ROBO2: variants seen among roughly 807,000 people sequenced by gnomAD.
The protein encoded by ROBO2 is roundabout guidance receptor 2, also known as roundabout homolog 2.
Under a neutral mutation model 160.8 loss-of-function variants are expected in ROBO2, and 53 were observed. That is an observed-to-expected ratio of 0.33 (90% CI 0.26 to 0.41). The LOEUF (loss-of-function observed/expected upper bound fraction) is 0.41, where lower values mean the gene tolerates loss of function less well. Among genes scored for constraint, ROBO2 ranks in the 10% least tolerant of loss-of-function variants. The probability of loss-of-function intolerance (pLI) is 1.00; values close to 1 mark genes in which losing one functional copy is unlikely to be tolerated. For missense variants in ROBO2, 1,577 were observed against 1,722.4 expected (o/e 0.92, Z 1.49); for synonymous variants, 664 against 611.7 (o/e 1.09, Z -1.26).
At chr3:75,924,681 C>CTT (rs60599175) in intron 1 of ROBO2, among the ~76,000 whole-genome samples, 43,411 of 65,722 alleles carry the variant, frequency 0.66, 16,677 homozygotes, top group South Asian at 0.79. Flanking sequence ...ATTTTCTTTT[C>CTT]TTTTTTTTTT....
chr3:77,291,565 G>C (rs1418039334), intron 2 of ROBO2, among the ~76,000 whole-genome samples: 1 of 148,442 alleles, frequency 6.7e-6, no homozygotes, highest in Non-Finnish European at 1.5e-5. Context: ...AAGTAAAATT[G>C]ATGGTTAAAC....
intron 2 of ROBO2, among the ~76,000 whole-genome samples, chr3:76,163,478 A>G (rs1415475370): frequency 6.7e-6 from 1 of 149,452 alleles, no homozygotes; most frequent in African/African-American, 2.4e-5. Context: ...CATATATTGT[A>G]TATACAATAT....
At chr3:75,999,600 G>A (rs1165800454) in intron 2 of ROBO2, among the ~76,000 whole-genome samples, 3 of 152,048 alleles carry the variant, frequency 2.0e-5, no homozygotes, top group Non-Finnish European at 4.4e-5. Flanking sequence ...CATGTGTGTG[G>A]CATGTGCATG....
At chr3:76,942,507 T>C (rs924391964) in intron 2 of ROBO2, among the ~76,000 whole-genome samples, 3 of 152,194 alleles carry the variant, frequency 2.0e-5, no homozygotes, top group Admixed American at 1.3e-4. Flanking sequence ...TTGAAGAGTG[T>C]TGGCCTCACT....
intron 2 of ROBO2, among the ~76,000 whole-genome samples, chr3:77,257,214 G>A (rs2058475434): frequency 6.6e-6 from 1 of 152,142 alleles, no homozygotes; most frequent in African/African-American, 2.4e-5. Context: ...TATAAAAAAA[G>A]CAGAATGGGG....
chr3:77,623,667 C>T (rs1462464307), intron 23 of ROBO2, among the ~76,000 whole-genome samples: 2 of 152,148 alleles, frequency 1.3e-5, no homozygotes, highest in African/African-American at 4.8e-5. Context: ...TGACAGAGCA[C>T]AAGTTAAAAT....
intron 2 of ROBO2, among the ~76,000 whole-genome samples, chr3:76,512,789 C>T (rs2081165837): frequency 6.6e-6 from 1 of 152,088 alleles, no homozygotes; most frequent in South Asian, 2.1e-4. Flanking sequence ...GTTCCATCCT[C>T]AAATATTTCA....
At chr3:77,101,189 T>C (rs555719782) in intron 2 of ROBO2, among the ~76,000 whole-genome samples, 4 of 152,360 alleles carry the variant, frequency 2.6e-5, no homozygotes, top group East Asian at 1.9e-4. Flanking sequence ...GATTCTGAAC[T>C]GAACATAGCA....
chr3:76,437,399 G>T (rs556456287), intron 2 of ROBO2, among the ~76,000 whole-genome samples: 1 of 152,000 alleles, frequency 6.6e-6, no homozygotes, highest in Non-Finnish European at 1.5e-5. Flanking sequence ...GCAGAGAAAT[G>T]GATATTTGAA....
At chr3:77,021,729 A>G (rs573162971) in intron 2 of ROBO2, among the ~76,000 whole-genome samples, 2 of 152,270 alleles carry the variant, frequency 1.3e-5, no homozygotes, top group African/African-American at 4.8e-5. Flanking sequence ...TGCCCTATGA[A>G]TGGATTAATG....
At position 76,159,181 on chromosome 3, in the gene ROBO2, T is replaced by C. The variant is rs137999995; in HGVS notation, c.109+221579T>C. Among the ~76,000 whole-genome samples, 324 of 152,286 alleles carry C rather than the reference T, an allele frequency of 2.1e-3. 1 individual carries two copies. Among genetic ancestry groups the C allele is most frequent in the African/African-American group, 7.5e-3 (312 of 41,572 alleles). On this transcript the variant is annotated intron_variant, in intron 2 of 26. Transcript: ENST00000487694. ...AAGGTAAAGAATTTGGATTTTGTGT[T>C]GTGAAAGAGACAGTCATAATGCCGT...
chr3:76,254,629 G>C (rs571703976), intron 2 of ROBO2, among the ~76,000 whole-genome samples: 1 of 152,148 alleles, frequency 6.6e-6, no homozygotes, highest in African/African-American at 2.4e-5. Context: ...ACAGGTTGGA[G>C]AGGAAAGTAT....
intron 2 of ROBO2, among the ~76,000 whole-genome samples, chr3:76,262,015 A>T (rs1433959418): frequency 1.3e-5 from 2 of 152,150 alleles, no homozygotes; most frequent in African/African-American, 2.4e-5. Context: ...GTCTTTATGC[A>T]GAGCATGCTT....
At chr3:76,835,872 G>A (rs936433054) in intron 2 of ROBO2, among the ~76,000 whole-genome samples, 1 of 151,922 alleles carries the variant, frequency 6.6e-6, no homozygotes, top group Non-Finnish European at 1.5e-5. Context: ...GCACATATGA[G>A]ATTTAACTTT....
At chr3:76,664,929 C>A (rs1660332762) in intron 2 of ROBO2, among the ~76,000 whole-genome samples, 1 of 152,156 alleles carries the variant, frequency 6.6e-6, no homozygotes, top group Non-Finnish European at 1.5e-5. Flanking sequence ...GGAGACAGTA[C>A]TGGAAAGAAT....
intron 2 of ROBO2, among the ~76,000 whole-genome samples, chr3:76,746,919 T>G (rs150086824): frequency 4.6e-5 from 7 of 152,150 alleles, no homozygotes; most frequent in Non-Finnish European, 1.5e-5. Flanking sequence ...TTTCTGATCC[T>G]GTGTTAGTTT....
intron 2 of ROBO2, among the ~76,000 whole-genome samples, chr3:76,960,368 T>G (rs2079560326): frequency 6.6e-6 from 1 of 152,160 alleles, no homozygotes; most frequent in Non-Finnish European, 1.5e-5. Context: ...TTGTTGATTA[T>G]TTTCTAATGA....
intron 2 of ROBO2, among the ~76,000 whole-genome samples, chr3:76,054,893 T>C (rs1464438527): frequency 6.6e-6 from 1 of 152,140 alleles, no homozygotes; most frequent in African/African-American, 2.4e-5. Flanking sequence ...AGCTGAAGTT[T>C]GGGGAGGTGA....
chr3:76,862,461 G>C (rs959870732), intron 2 of ROBO2, among the ~76,000 whole-genome samples: 13 of 152,062 alleles, frequency 8.5e-5, no homozygotes, highest in Non-Finnish European at 1.6e-4. Flanking sequence ...CCAAATAAAT[G>C]GTTAAATTTG....
Sources: allele counts gnomAD v4.1 joint callset (sites outside exome capture counted in the v4.1 genomes callset), GRCh38; gene constraint gnomAD v4.1.1; transcripts MANE v1.5; gene names NCBI Gene and HGNC (gene_info 2026-07-23, HGNC 2026-07-21).